The following CRACD variants were observed in gnomAD, a reference collection of about 807,000 sequenced individuals.
CRACD encodes the protein capping protein inhibiting regulator of actin dynamics, also known as capping protein-inhibiting regulator of actin dynamics.
Under a neutral mutation model 106.8 loss-of-function variants are expected in CRACD, and 56 were observed. The ratio of observed to expected loss-of-function variants is 0.52; its 90% confidence interval spans 0.42 to 0.66. The LOEUF is 0.66. Among genes scored for constraint, CRACD ranks in the 30% least tolerant of loss-of-function variants. The pLI is 0.00. For missense variants in CRACD, 1,730 were observed against 1,623.2 expected (o/e 1.07, Z -1.13); for synonymous variants, 754 against 670.8 (o/e 1.12, Z -1.92).
intron 4 of CRACD, among the ~76,000 whole-genome samples, chr4:56,306,259 C>T (rs1206120850): frequency 5.9e-5 from 9 of 151,904 alleles, no homozygotes; most frequent in Non-Finnish European, 7.4e-5. Flanking sequence ...TTTGGGAGGC[C>T]GAGGTGGGCG....
intron 1 of CRACD, among the ~76,000 whole-genome samples, chr4:56,137,541 C>G (rs1047469550): frequency 2.0e-5 from 3 of 152,176 alleles, no homozygotes; most frequent in Non-Finnish European, 4.4e-5. Context: ...ACACTGTTGT[C>G]TAGTGCCTAA....
At chr4:56,307,507 A>AG (rs1388196241) in intron 4 of CRACD, 28 bp from the exon 5 acceptor site, 2 of 1,612,206 alleles carry the variant, frequency 1.2e-6, no homozygotes, top group African/African-American at 2.7e-5. Flanking sequence ...TCACTGCTTC[A>AG]GAATGTCTTT....
intron 3 of CRACD, among the ~76,000 whole-genome samples, chr4:56,296,738 G>T (rs1289472466): frequency 6.6e-6 from 1 of 152,176 alleles, no homozygotes; most frequent in Non-Finnish European, 1.5e-5. Context: ...GCCTGGCATT[G>T]TGGCAATGTG....
intron 1 of CRACD, among the ~76,000 whole-genome samples, chr4:56,111,750 C>T (rs563796077): frequency 6.6e-6 from 1 of 152,156 alleles, no homozygotes; most frequent in African/African-American, 2.4e-5. Flanking sequence ...GAACTGACCT[C>T]CAAGTGATCT....
intron 2 of CRACD, among the ~76,000 whole-genome samples, chr4:56,213,296 A>C (rs1216449043): frequency 1.1e-4 from 17 of 152,070 alleles, no homozygotes; most frequent in Non-Finnish European, 5.9e-5. Context: ...AAAATACAAA[A>C]TTAGCCAGTC....
At chr4:56,176,258 C>G (rs1736579271) in intron 1 of CRACD, among the ~76,000 whole-genome samples, 1 of 152,008 alleles carries the variant, frequency 6.6e-6, no homozygotes, top group Non-Finnish European at 1.5e-5. Flanking sequence ...TTTAGCTATT[C>G]AGGGTCTTTT....
chr4:56,294,266 A>T (rs984554222), intron 3 of CRACD, among the ~76,000 whole-genome samples: 12 of 152,092 alleles, frequency 7.9e-5, no homozygotes, highest in African/African-American at 2.9e-4. Context: ...TATAATTGAT[A>T]AATAAACTTA....
intron 1 of CRACD, among the ~76,000 whole-genome samples, chr4:56,078,835 A>G (rs193273719): frequency 6.6e-6 from 1 of 152,314 alleles, no homozygotes; most frequent in East Asian, 1.9e-4. Context: ...TATATGGATA[A>G]AGGGTGTCTC....
intron 2 of CRACD, among the ~76,000 whole-genome samples, chr4:56,230,506 A>G (rs540225599): frequency 2.0e-5 from 3 of 152,176 alleles, no homozygotes; most frequent in African/African-American, 7.2e-5. Flanking sequence ...AAAAGATGAA[A>G]TTGAGTCAGA....
At chr4:56,126,321 C>T (rs887128365) in intron 1 of CRACD, among the ~76,000 whole-genome samples, 8 of 152,236 alleles carry the variant, frequency 5.3e-5, no homozygotes, top group Non-Finnish European at 1.2e-4. Context: ...GTGTACTCTT[C>T]GCTTACTTCT....
chr4:56,239,601 A>G lies in CRACD; in HGVS notation c.-188-32720A>G, dbSNP rs55882521. ...AATGAGATGACCTAGATGTCATCTC[A>G]TTGCATTTAATAAGCAGGACTGAAC... On this transcript the variant is annotated intron_variant, in intron 2 of 10. Transcript: ENST00000682029. 7.7e-3 allele frequency among the ~76,000 whole-genome samples: 1,180 copies of G among 152,264 alleles called. 13 individuals carry two copies. The highest frequency in any genetic ancestry group is 0.027 in the African/African-American group (1,103 of 41,546).
At chr4:56,259,988 A>C (rs957118429) in intron 2 of CRACD, among the ~76,000 whole-genome samples, 2 of 152,262 alleles carry the variant, frequency 1.3e-5, no homozygotes, top group Non-Finnish European at 2.9e-5. Context: ...TCAGAGATGC[A>C]GGTTTCAGTC....
At chr4:56,225,924 TAAGGCAGAATCCTA>T (rs1489149852) in intron 2 of CRACD, among the ~76,000 whole-genome samples, 4 of 152,246 alleles carry the variant, frequency 2.6e-5, no homozygotes, top group African/African-American at 9.6e-5. Flanking sequence ...GCTGTTGCTG[TAAGGCAGAATCCTA>T]AATTTGCTTT....
At chr4:56,177,290 T>C (rs1053417339) in intron 1 of CRACD, among the ~76,000 whole-genome samples, 2 of 152,256 alleles carry the variant, frequency 1.3e-5, no homozygotes, top group Admixed American at 6.5e-5. Flanking sequence ...TTGAATTTCA[T>C]TGAATGCTTT....
chr4:56,197,136 GT>G (rs1310761739), intron 2 of CRACD, among the ~76,000 whole-genome samples: 1 of 151,934 alleles, frequency 6.6e-6, no homozygotes, highest in Non-Finnish European at 1.5e-5. Context: ...TAAAATATAT[GT>G]TTTTATTAGT....
intron 1 of CRACD, among the ~76,000 whole-genome samples, chr4:56,100,719 T>A (rs1733750890): frequency 6.6e-6 from 1 of 152,190 alleles, no homozygotes; most frequent in African/African-American, 2.4e-5. Flanking sequence ...GAGGAGAAGA[T>A]GGCCTTCTGT....
At chr4:56,141,660 G>A (rs1365679756) in intron 1 of CRACD, among the ~76,000 whole-genome samples, 2 of 139,352 alleles carry the variant, frequency 1.4e-5, no homozygotes, top group Non-Finnish European at 3.1e-5. Context: ...GTAAAAGTAA[G>A]TATCTAAACT....
chr4:56,164,923 T>C (rs982909508), intron 1 of CRACD, among the ~76,000 whole-genome samples: 5 of 152,160 alleles, frequency 3.3e-5, no homozygotes, highest in Non-Finnish European at 7.4e-5. Context: ...AGTCCTCCAT[T>C]TGTTTCCTTT....
Position 56,316,512 on chromosome 4 carries a change from T to C in CRACD, c.3010T>C (p.Ser1004Pro), listed in dbSNP as rs1745666911. 6.2e-7 allele frequency: 1 copy of C among 1,613,242 alleles called. No homozygotes were observed. Among genetic ancestry groups the C allele is most frequent in the Admixed American group, 1.7e-5 (1 of 59,962 alleles). Reference protein sequence around the residue: ...GRPDPEPSEPSKEDQESSDRR... With the variant: ...GRPDPEPSEPPKEDQESSDRR... ...GCCGGACCCAGAGCCAAGTGAGCCG[T>C]CCAAGGAGGACCAGGAGAGCAGTGA... The change falls in exon 8 of 11, where the codon TCC becomes CCC. Residue 1004 changes from serine to proline, a missense_variant. Physicochemically the swap from Ser to Pro is moderately conservative, Grantham distance 74. This residue lies in a region of CRACD where 1,620 missense variants were observed against 1,481.6 expected (regional missense o/e 1.09). Coordinates refer to ENST00000682029, the MANE Select transcript of CRACD (RefSeq NM_001393381.1).
Sources: allele counts gnomAD v4.1 joint callset (sites outside exome capture counted in the v4.1 genomes callset), GRCh38; gene constraint gnomAD v4.1.1; regional missense constraint gnomAD v4.1.1; transcripts MANE v1.5; gene names NCBI Gene and HGNC (gene_info 2026-07-23, HGNC 2026-07-21).